The following ABCA10 variants were observed in gnomAD, a reference collection of about 807,000 sequenced individuals.
The protein encoded by ABCA10 is ATP-binding cassette sub-family A member 10.
Under a neutral mutation model 187.5 loss-of-function variants are expected in ABCA10, and 169 were observed. The observed-to-expected ratio is 0.90, with a 90% CI of 0.80 to 1.02. The LOEUF is 1.02. Ranked by LOEUF, ABCA10 falls within the 50% of genes least tolerant of loss-of-function variation. The pLI is 0.00. For missense variants in ABCA10, 1,727 were observed against 1,812.4 expected (o/e 0.95, Z 0.86); for synonymous variants, 574 against 601.8 (o/e 0.95, Z 0.68).
intron 26 of ABCA10, 136 bp from the exon 27 acceptor site, chr17:69,164,290 G>T: frequency 1.6e-6 from 1 of 645,012 alleles, no homozygotes; most frequent in Non-Finnish European, 2.5e-6. Context: ...GAGAAGAGTT[G>T]TTTTCTGATG....
intron 6 of ABCA10, 71 bp downstream of exon 6, chr17:69,219,474 T>C: frequency 8.2e-7 from 1 of 1,219,998 alleles, no homozygotes; most frequent in Non-Finnish European, 1.1e-6. Flanking sequence ...GTGCGTCCAA[T>C]TTTTTAAGAA....
In ABCA10 at chr17:69,196,770, C is replaced by A. The variant is rs112789642; in HGVS notation, c.1234+294G>T. On this transcript the variant is annotated intron_variant, in intron 11 of 38. Transcript: ENST00000690296. ...CTCCGTCTGCAATCCCAGCACCTCG[C>A]GAGGCTGAGGCTAGCAGATCACTCG... Among the ~76,000 whole-genome samples the A allele has an allele frequency of 2.0e-5, 3 of 152,232 alleles. No individual in the cohort carries two copies. In the East Asian group the frequency reaches 5.8e-4, roughly 29 times the overall value.
chr17:69,224,083 A>G (rs1414295213), intron 3 of ABCA10, among the ~76,000 whole-genome samples: 2 of 152,182 alleles, frequency 1.3e-5, no homozygotes, highest in Non-Finnish European at 2.9e-5. Flanking sequence ...GAGGCCCACC[A>G]AAGTCAAAGC....
In ABCA10 at chr17:69,228,307, G is replaced by A. The variant is rs373507580; in HGVS notation, c.-313+274C>T. ...GTAAAACCATACAAATTCTCAAAAG[G>A]ATATTCAAAGCAGTGTCAGAGAGAG... On this transcript the variant is annotated intron_variant, in intron 1 of 38. Transcript: ENST00000690296. Among the ~76,000 whole-genome samples, 425 of 151,938 alleles carry A rather than the reference G, an allele frequency of 2.8e-3. 2 individuals are homozygous for A. Among genetic ancestry groups the A allele is most frequent in the African/African-American group, 9.8e-3 (407 of 41,502 alleles).
At chr17:69,162,198 G>A (rs1450652245) in intron 27 of ABCA10, among the ~76,000 whole-genome samples, 2 of 152,138 alleles carry the variant, frequency 1.3e-5, no homozygotes. Flanking sequence ...ACATGGGATC[G>A]AGATTCTGAA....
At chr17:69,210,263 C>T (rs8080133) in intron 9 of ABCA10, among the ~76,000 whole-genome samples, 88,262 of 140,012 alleles carry the variant, frequency 0.63, 28,262 homozygotes, top group Middle Eastern at 0.67. Flanking sequence ...AATCTCGGCT[C>T]ACTGCAAGCT....
intron 27 of ABCA10, among the ~76,000 whole-genome samples, chr17:69,163,849 C>T (rs2074236338): frequency 6.6e-6 from 1 of 152,136 alleles, no homozygotes; most frequent in African/African-American, 2.4e-5. Flanking sequence ...TCAACAATGT[C>T]TATCACAATA....
chr17:69,166,385 G>C (rs891343408), intron 25 of ABCA10, among the ~76,000 whole-genome samples: 1 of 152,050 alleles, frequency 6.6e-6, no homozygotes, highest in Non-Finnish European at 1.5e-5. Context: ...ATAGATTGGG[G>C]TCTGCAGTTG....
chr17:69,237,528 T>G (rs1335651223), intron 1 of ABCA10, among the ~76,000 whole-genome samples: 1 of 152,182 alleles, frequency 6.6e-6, no homozygotes, highest in Non-Finnish European at 1.5e-5. Context: ...CCCCTCCCAC[T>G]TGCATCTTTA....
intron 3 of ABCA10, among the ~76,000 whole-genome samples, chr17:69,223,370 T>C (rs1351781344): frequency 6.6e-6 from 1 of 152,072 alleles, no homozygotes; most frequent in East Asian, 1.9e-4. Context: ...TTCTCTGAGG[T>C]CAAGAACACT....
At chr17:69,152,503 G>A (rs771359988) in intron 34 of ABCA10, 22 bp from the exon 35 acceptor site, 6 of 1,585,234 alleles carry the variant, frequency 3.8e-6, no homozygotes, top group Non-Finnish European at 4.3e-6. Flanking sequence ...GTAAGGGATT[G>A]TTTGCATTTA....
intron 8 of ABCA10, 75 bp downstream of exon 8, chr17:69,215,740 T>C (rs545099989): frequency 1.3e-4 from 167 of 1,273,652 alleles, no homozygotes; most frequent in Admixed American, 4.8e-4. Flanking sequence ...TTAAATTTCA[T>C]GAGGCACCAA....
At chr17:69,210,845 C>CATATATATATATATATATATAT (rs1568069877) in intron 9 of ABCA10, among the ~76,000 whole-genome samples, 23 of 13,246 alleles carry the variant, frequency 1.7e-3, no homozygotes, top group African/African-American at 8.9e-3. Context: ...ATATTTATGC[C>CATATATATATATATATATATAT]ACATATATAT....
chr17:69,171,679 GAGA>G (rs1390530610), intron 25 of ABCA10, among the ~76,000 whole-genome samples: 1 of 152,132 alleles, frequency 6.6e-6, no homozygotes, highest in East Asian at 1.9e-4. Context: ...GCTAAAGTCA[GAGA>G]AGGTTAGTCA....
chr17:69,212,305 T>C (rs568022126), intron 9 of ABCA10, among the ~76,000 whole-genome samples: 4 of 152,146 alleles, frequency 2.6e-5, no homozygotes, highest in South Asian at 2.1e-4. Context: ...CCTTTTGGAG[T>C]TGATTTTCAA....
At chr17:69,222,463 A>G (rs1246769884) in intron 4 of ABCA10, 70 bp downstream of exon 4, 9 of 1,230,364 alleles carry the variant, frequency 7.3e-6, no homozygotes, top group East Asian at 2.6e-5. Context: ...TAATATTCCT[A>G]TCAGTCATTC....
intron 34 of ABCA10, among the ~76,000 whole-genome samples, chr17:69,152,851 T>C (rs2074140989): frequency 6.6e-6 from 1 of 152,074 alleles, no homozygotes; most frequent in South Asian, 2.1e-4. Context: ...GAGAAAATCT[T>C]TGCCATAGAG....
In ABCA10 at chr17:69,165,087, GA is replaced by G; in HGVS notation, c.3163-5del. The G allele has an allele frequency of 3.3e-6, 5 of 1,534,166 alleles. No individual in the cohort carries two copies. The highest frequency in any genetic ancestry group is 1.4e-5 in the African/African-American group (1 of 72,822). On this transcript the variant is annotated splice_polypyrimidine_tract_variant and splice_region_variant and intron_variant, in intron 25 of 38. Transcript: ENST00000690296. ...TTGTGGATACACATATTAAGATCTA[GA>G]AAAAAATCCAGAAGTATTATAATTT... is the stretch of plus-strand genomic sequence containing the variant.
At chr17:69,163,686 T>C (rs932146076) in intron 27 of ABCA10, among the ~76,000 whole-genome samples, 5 of 152,306 alleles carry the variant, frequency 3.3e-5, no homozygotes, top group Middle Eastern at 3.4e-3. Context: ...TTCGCTTTCA[T>C]TGTCTTTCCC....
Sources: gnomAD v4.1 joint callset for allele counts (sites outside exome capture counted in the v4.1 genomes callset) on GRCh38, gnomAD v4.1.1 for gene constraint, MANE v1.5 for transcripts, NCBI Gene and HGNC (gene_info 2026-07-23, HGNC 2026-07-21) for gene names.